The following GLRA3 variants were observed in gnomAD, a reference collection of about 807,000 sequenced individuals.
GLRA3 encodes the protein glycine receptor alpha 3.
A neutral mutation model predicts 60.4 loss-of-function variants in GLRA3; 44 were observed. That is an observed-to-expected ratio of 0.73 (90% CI 0.57 to 0.94). The LOEUF is 0.94. GLRA3 is among the 40% of genes least tolerant of loss of function. GLRA3 has a pLI of 0.00. For synonymous variants in GLRA3, 223 were observed against 192.9 expected (o/e 1.16, Z -1.29); for missense variants, 508 against 564.6 (o/e 0.90, Z 1.02).
At chr4:174,699,852 A>C (rs1469402946) in intron 5 of GLRA3, among the ~76,000 whole-genome samples, 1 of 150,970 alleles carries the variant, frequency 6.6e-6, no homozygotes, top group Non-Finnish European at 1.5e-5. Flanking sequence ...TTAATAATTA[A>C]TGCATTAATT....
At chr4:174,658,186 G>C (rs1326043333) in intron 8 of GLRA3, among the ~76,000 whole-genome samples, 1 of 152,020 alleles carries the variant, frequency 6.6e-6, no homozygotes, top group Non-Finnish European at 1.5e-5. Context: ...CAGGATATTG[G>C]ATCCTTGCCA....
Position 174,643,883 on chromosome 4 carries a change from C to T in GLRA3, c.1298G>A (p.Arg433Gln), listed in dbSNP as rs772841058. Residue 433 changes from arginine (R) to glutamine (Q), a missense_variant, in exon 10 of 10, where the codon CGA becomes CAA. Physicochemically the swap from Arg to Gln is conservative, Grantham distance 43. This residue lies in a region of GLRA3 where 176 missense variants were observed against 197.9 expected (regional missense o/e 0.89). Coordinates refer to ENST00000274093, the MANE Select transcript of GLRA3 (RefSeq NM_006529.4). ...DRAKKIDTIS[R>Q]ACFPLAFLIF... ...CAAAAAAGCTAATGGGAAGCAGGCT[C>T]GGGAGATGGTATCAATCTTCTTGGC... The T allele has an allele frequency of 6.2e-6, 10 of 1,614,020 alleles. No individual in the cohort carries two copies. Among genetic ancestry groups the T allele is most frequent in the African/African-American group, 4.0e-5 (3 of 75,018 alleles).
chr4:174,774,990 A>T (rs1280816058), intron 2 of GLRA3, among the ~76,000 whole-genome samples: 38 of 152,216 alleles, frequency 2.5e-4, no homozygotes, highest in Admixed American at 2.5e-3. Flanking sequence ...TTAGTTTGAG[A>T]TTATTGTAAA....
intron 3 of GLRA3, among the ~76,000 whole-genome samples, chr4:174,748,406 T>C (rs1038654682): frequency 6.6e-6 from 1 of 152,006 alleles, no homozygotes; most frequent in African/African-American, 2.4e-5. Flanking sequence ...TTTAAAGTAA[T>C]TTGGCTGTGA....
rs564784042 is a variant in GLRA3 at position 174,828,218 on chromosome 4, A to G, written c.71+523T>C. 2.5e-4 allele frequency among the ~76,000 whole-genome samples: 38 copies of G among 152,288 alleles called. No homozygotes were observed. The South Asian group carries it at 7.5e-3, about 30-fold the overall frequency. ...ATTTATGATTTTGCCTTCATGTATT[A>G]CCTGAGCTAGGTCATTAGAAAATAG... is the stretch of plus-strand genomic sequence containing the variant. On this transcript the variant is annotated intron_variant, in intron 1 of 9. Coordinates refer to ENST00000274093, the MANE Select transcript of GLRA3 (RefSeq NM_006529.4).
chr4:174,713,670 T>C (rs575080770), intron 5 of GLRA3: 4 of 152,316 alleles, frequency 2.6e-5, no homozygotes, highest in African/African-American at 7.2e-5. Flanking sequence ...TTGAATCGTG[T>C]TGATTTTAAT....
chr4:174,643,508 T>C lies in GLRA3; in HGVS notation c.*278A>G, dbSNP rs990358459. The C allele has an allele frequency of 9.4e-7, 1 of 1,063,174 alleles. No homozygotes were observed. Among genetic ancestry groups the C allele is most frequent in the Admixed American group, 5.1e-5 (1 of 19,566 alleles). The allele number at this position is 1,063,174 out of a possible 1,614,324, so 65.9% of individuals were successfully genotyped here. A position where few individuals can be genotyped will look rare whatever the true frequency, so the allele number is the denominator to read the frequency against. On this transcript the variant is annotated 3_prime_UTR_variant, in exon 10 of 10. Coordinates refer to ENST00000274093, the MANE Select transcript of GLRA3 (RefSeq NM_006529.4). ...GATATTATATAACATATAAACACAT[T>C]GGCAGTAAAGCTTCCACTTACATGG...
chr4:174,780,538 G>C (rs1405784607), intron 2 of GLRA3, among the ~76,000 whole-genome samples: 1 of 146,082 alleles, frequency 6.8e-6, no homozygotes, highest in Non-Finnish European at 1.5e-5. Flanking sequence ...AAAGAGTCAA[G>C]ACCCATCAGT....
In GLRA3 at chr4:174,687,992, G is replaced by GCAAAA. The variant is rs370537129; in HGVS notation, c.575-5058_575-5054dup. On this transcript the variant is annotated intron_variant, in intron 5 of 9. Coordinates refer to ENST00000274093, the MANE Select transcript of GLRA3 (RefSeq NM_006529.4). ...AAAAGTTTTTTGCCTTCAGAAGAAG[G>GCAAAA]CAAAACAAAACAAAACAAAACGAAA... Among the ~76,000 whole-genome samples the GCAAAA allele has an allele frequency of 4.4e-3, 667 of 151,720 alleles. 2 individuals carry two copies. Among genetic ancestry groups the GCAAAA allele is most frequent in the African/African-American group, 0.015 (636 of 41,402 alleles).
chr4:174,828,932 A>G lies in GLRA3; in HGVS notation c.-121T>C. The G allele has an allele frequency of 1.4e-6, 1 of 733,068 alleles. No homozygotes were observed. Among genetic ancestry groups the G allele is most frequent in the South Asian group, 1.6e-5 (1 of 63,266 alleles). The allele number at this position is 733,068 out of a possible 1,614,324, so 45.4% of individuals were successfully genotyped here. A position where few individuals can be genotyped will look rare whatever the true frequency, so the allele number is the denominator to read the frequency against. ...GTGTTGGTGTAGACTGATGCTTGGGAAGCTTCAGCACCTTAGACAGCTCCC... is the reference window on the plus strand; with the variant it reads ...GTGTTGGTGTAGACTGATGCTTGGGGAGCTTCAGCACCTTAGACAGCTCCC... On this transcript the variant is annotated 5_prime_UTR_variant, in exon 1 of 10. Coordinates refer to ENST00000274093, the MANE Select transcript of GLRA3 (RefSeq NM_006529.4).
chr4:174,828,899 C>A lies in GLRA3; in HGVS notation c.-88G>T. ...ACAGAATGAAAATGTACAATCTAAC[C>A]CCGCATGGTGTTGGTGTAGACTGAT... On this transcript the variant is annotated 5_prime_UTR_variant, in exon 1 of 10. Coordinates refer to ENST00000274093, the MANE Select transcript of GLRA3 (RefSeq NM_006529.4). 3.3e-6 allele frequency: 3 copies of A among 918,208 alleles called. No individual in the cohort carries two copies. Among genetic ancestry groups the A allele is most frequent in the South Asian group, 1.3e-5 (1 of 74,116 alleles). The allele number at this position is 918,208 out of a possible 1,614,324, so 56.9% of individuals were successfully genotyped here. A position where few individuals can be genotyped will look rare whatever the true frequency, so the allele number is the denominator to read the frequency against.
intron 3 of GLRA3, among the ~76,000 whole-genome samples, chr4:174,762,412 G>A (rs370390719): frequency 6.6e-6 from 1 of 152,114 alleles, no homozygotes; most frequent in South Asian, 2.1e-4. Context: ...AGATCAAATG[G>A]AATTCCCTTT....
At chr4:174,685,185 A>G (rs533971758) in intron 5 of GLRA3, among the ~76,000 whole-genome samples, 1 of 152,266 alleles carries the variant, frequency 6.6e-6, no homozygotes, top group South Asian at 2.1e-4. Flanking sequence ...TGAATAGAAC[A>G]TTGAGTAGGG....
At chr4:174,721,769 A>G (rs953978274) in intron 4 of GLRA3, among the ~76,000 whole-genome samples, 8 of 150,698 alleles carry the variant, frequency 5.3e-5, no homozygotes, top group African/African-American at 9.7e-5. Context: ...GTGTATATAT[A>G]TGTGTGTGTG....
At chr4:174,771,559 G>A (rs369192762) in intron 2 of GLRA3, among the ~76,000 whole-genome samples, 2 of 151,930 alleles carry the variant, frequency 1.3e-5, no homozygotes, top group East Asian at 3.9e-4. Flanking sequence ...GAAAACATAA[G>A]AACATCAGTA....
At chr4:174,751,647 G>T (rs149770222) in intron 3 of GLRA3, among the ~76,000 whole-genome samples, 2 of 152,226 alleles carry the variant, frequency 1.3e-5, no homozygotes, top group African/African-American at 4.8e-5. Flanking sequence ...TTATATGACA[G>T]CATTGCTGTT....
chr4:174,673,659 TC>T (rs1362046177), intron 7 of GLRA3, among the ~76,000 whole-genome samples: 1 of 152,110 alleles, frequency 6.6e-6, no homozygotes, highest in Non-Finnish European at 1.5e-5. Flanking sequence ...CAGGCTTTCT[TC>T]CACTAGAAAA....
At chr4:174,739,448 G>A (rs1736924969) in intron 3 of GLRA3, among the ~76,000 whole-genome samples, 1 of 152,096 alleles carries the variant, frequency 6.6e-6, no homozygotes, top group Non-Finnish European at 1.5e-5. Context: ...TCTGGGTAAA[G>A]ATCTTCTCAA....
rs1048011359 is a variant in GLRA3 at position 174,643,652 on chromosome 4, C to G, written c.*134G>C. The G allele has an allele frequency of 3.6e-6, 5 of 1,396,720 alleles. No individual in the cohort carries two copies. The African/African-American group carries it at 7.2e-5, about 20-fold the overall frequency. 86.5% of individuals were successfully genotyped at this position (1,396,720 alleles called of 1,614,324 possible). Reference sequence around the variant, plus strand: ...TGACTTTGCATAGCTAACCAAAATACAAAGCTTTTCCATATGCCATTTTAA... The same window carrying G: ...TGACTTTGCATAGCTAACCAAAATAGAAAGCTTTTCCATATGCCATTTTAA... On this transcript the variant is annotated 3_prime_UTR_variant, in exon 10 of 10. Coordinates refer to ENST00000274093, the MANE Select transcript of GLRA3 (RefSeq NM_006529.4).
Sources: allele counts gnomAD v4.1 joint callset (sites outside exome capture counted in the v4.1 genomes callset), GRCh38; gene constraint gnomAD v4.1.1; regional missense constraint gnomAD v4.1.1; transcripts MANE v1.5; gene names NCBI Gene and HGNC (gene_info 2026-07-23, HGNC 2026-07-21).